The following KAT2B variants were observed in gnomAD, a reference collection of about 807,000 sequenced individuals.
KAT2B encodes the protein lysine acetyltransferase 2B, also known as histone acetyltransferase KAT2B.
Under a neutral mutation model 105.9 loss-of-function variants are expected in KAT2B, and 36 were observed. That is an observed-to-expected ratio of 0.34 (90% confidence interval 0.26 to 0.45). The LOEUF is 0.45. Ranked by LOEUF, KAT2B falls within the 20% of genes least tolerant of loss-of-function variation. The pLI is 1.00. For missense variants in KAT2B, 820 were observed against 1,021.6 expected, an observed-to-expected ratio of 0.80 and a Z score of 2.69; for synonymous variants, 397 against 377.9, an observed-to-expected ratio of 1.05 and a Z score of -0.59.
intron 2 of KAT2B, among the ~76,000 whole-genome samples, chr3:20,086,973 G>T (rs1559308021): frequency 2.6e-5 from 4 of 152,008 alleles, no homozygotes. Context: ...GTAGAGATGG[G>T]GTTTCACCAT....
intron 11 of KAT2B, among the ~76,000 whole-genome samples, chr3:20,129,594 C>T (rs62241664): frequency 0.73 from 110,320 of 152,022 alleles, 40,417 homozygotes; most frequent in East Asian, 0.97. Context: ...CAGGCTGGTC[C>T]TGAACTCCTG....
At chr3:20,096,039 G>A (rs958231499) in intron 3 of KAT2B, among the ~76,000 whole-genome samples, 6 of 152,150 alleles carry the variant, frequency 3.9e-5, no homozygotes, top group South Asian at 2.1e-4. Context: ...ATTTTAGGCC[G>A]TGCACTAAGA....
At chr3:20,136,082 C>T (rs940045802) in intron 11 of KAT2B, among the ~76,000 whole-genome samples, 6 of 152,130 alleles carry the variant, frequency 3.9e-5, no homozygotes, top group Admixed American at 1.3e-4. Flanking sequence ...TCCTTCTGAC[C>T]TTGAGGTACT....
At chr3:20,102,767 C>T (rs374319232) in intron 5 of KAT2B, among the ~76,000 whole-genome samples, 12 of 152,260 alleles carry the variant, frequency 7.9e-5, no homozygotes, top group East Asian at 3.9e-4. Context: ...TATAACTTTT[C>T]TATAACTTTT....
intron 4 of KAT2B, 157 bp from the exon 5 acceptor site, chr3:20,101,130 G>A (rs1340345366): frequency 5.0e-6 from 3 of 605,502 alleles, no homozygotes; most frequent in Middle Eastern, 2.6e-4. Flanking sequence ...TTCCCTCTGG[G>A]GATTGCTATT....
At chr3:20,147,920 C>T (rs1699805607) in intron 14 of KAT2B, 43 bp from the exon 15 acceptor site, 1 of 1,594,402 alleles carries the variant, frequency 6.3e-7, no homozygotes, top group African/African-American at 1.4e-5. Context: ...TTCTCTTGAC[C>T]AAAAGCACTT....
At chr3:20,150,579 G>T (rs952453451) in intron 17 of KAT2B, among the ~76,000 whole-genome samples, 1 of 152,108 alleles carries the variant, frequency 6.6e-6, no homozygotes, top group African/African-American at 2.4e-5. Flanking sequence ...ATTTAATGGT[G>T]TCTCTATATT....
At chr3:20,097,370 C>T (rs1168166521) in intron 3 of KAT2B, among the ~76,000 whole-genome samples, 1 of 152,110 alleles carries the variant, frequency 6.6e-6, no homozygotes, top group Non-Finnish European at 1.5e-5. Flanking sequence ...CTTAAAATAA[C>T]AGTGCAAATA....
chr3:20,097,686 G>A (rs1225324213), intron 3 of KAT2B, among the ~76,000 whole-genome samples: 1 of 152,010 alleles, frequency 6.6e-6, no homozygotes, highest in Non-Finnish European at 1.5e-5. Context: ...ACAGGTGTGT[G>A]CCGCCATGCC....
rs1444226006 is a variant in KAT2B, at chr3:20,147,959, A to G, written c.2120-4A>G. ...ATTCAGTGTTTCACTTTGTTGACGT[A>G]TAGGAGAGACAGGCTGGAAACCGAG... On this transcript the variant is annotated splice_region_variant and splice_polypyrimidine_tract_variant and intron_variant, in intron 14 of 17. Transcript: ENST00000263754. 3.7e-6 allele frequency: 6 copies of G among 1,613,402 alleles called. No individual in the cohort carries two copies. The African/African-American group carries it at 5.3e-5, about 14-fold the overall frequency.
At chr3:20,111,459 C>T in intron 5 of KAT2B, 137 bp from the exon 6 acceptor site, 1 of 622,942 alleles carries the variant, frequency 1.6e-6, no homozygotes, top group Non-Finnish European at 2.7e-6. Flanking sequence ...CACTAGCTGG[C>T]AGGGATATTG....
intron 11 of KAT2B, among the ~76,000 whole-genome samples, chr3:20,133,804 T>C (rs1219858903): frequency 6.6e-6 from 1 of 152,230 alleles, no homozygotes; most frequent in Non-Finnish European, 1.5e-5. Flanking sequence ...GTACATAAAC[T>C]GTAAACGTAT....
rs34270654 is a variant in KAT2B, at chr3:20,075,907, C to CAA, written c.430+3464_430+3465dup. Reference sequence around the variant, plus strand: ...GGGCGACAGAGCGAGACTCCCATCTCAAAAAAAAAAAAAAAAATTTTTTTC... The same window carrying CAA: ...GGGCGACAGAGCGAGACTCCCATCTCAAAAAAAAAAAAAAAAAAATTTTTTTC... On this transcript the variant is annotated intron_variant, in intron 2 of 17. Coordinates refer to ENST00000263754, the MANE Select transcript of KAT2B (RefSeq NM_003884.5). Among the ~76,000 whole-genome samples the CAA allele has an allele frequency of 2.7e-3, 358 of 133,180 alleles. 6 individuals carry two copies. Among genetic ancestry groups the CAA allele is most frequent in the South Asian group, 1.9e-3 (8 of 4,208 alleles). The allele number at this position is 133,180 out of a possible 152,430, so 87.4% of individuals were successfully genotyped here.
chr3:20,142,014 A>G (rs1699702926), intron 13 of KAT2B, among the ~76,000 whole-genome samples: 1 of 152,144 alleles, frequency 6.6e-6, no homozygotes, highest in Admixed American at 6.5e-5. Flanking sequence ...CTGCTGGCCA[A>G]CTAAAGCCAT....
chr3:20,102,275 A>G (rs569607716), intron 5 of KAT2B, among the ~76,000 whole-genome samples: 46 of 152,104 alleles, frequency 3.0e-4, no homozygotes, highest in Non-Finnish European at 4.9e-4. Context: ...GAGATCGTGC[A>G]CTCTGGGCAA....
chr3:20,066,633 A>G (rs1422639759), intron 1 of KAT2B, among the ~76,000 whole-genome samples: 1 of 151,744 alleles, frequency 6.6e-6, no homozygotes, highest in East Asian at 1.9e-4. Context: ...TCCTGACCTC[A>G]TGTGTGATCC....
chr3:20,110,373 A>C (rs1402551811), intron 5 of KAT2B, among the ~76,000 whole-genome samples: 1 of 150,090 alleles, frequency 6.7e-6, no homozygotes, highest in Non-Finnish European at 1.5e-5. Context: ...CTGGGAGATA[A>C]AAAAAAAATA....
intron 1 of KAT2B, among the ~76,000 whole-genome samples, chr3:20,046,041 C>T (rs1697804400): frequency 6.6e-6 from 1 of 152,198 alleles, no homozygotes; most frequent in South Asian, 2.1e-4. Flanking sequence ...GCCTCAATGA[C>T]TGCATGTATA....
chr3:20,150,028 T>G (rs1392870819), intron 17 of KAT2B, among the ~76,000 whole-genome samples: 1 of 152,222 alleles, frequency 6.6e-6, no homozygotes, highest in Non-Finnish European at 1.5e-5. Flanking sequence ...CATAGCCTAC[T>G]TGCAGCCTGC....
Sources: gnomAD v4.1 joint callset for allele counts (sites outside exome capture counted in the v4.1 genomes callset) on GRCh38, gnomAD v4.1.1 for gene constraint, MANE v1.5 for transcripts, NCBI Gene and HGNC (gene_info 2026-07-23, HGNC 2026-07-21) for gene names.